The following PCAT7 variants were observed in gnomAD, a reference collection of about 807,000 sequenced individuals.
PCAT7 encodes the protein prostate cancer associated transcript 7 (non-protein coding).
intron 2 of PCAT7, chr9:94,568,819 TTAAGG>T (rs1166319156): frequency 1.3e-5 from 2 of 152,234 alleles, no homozygotes; most frequent in East Asian, 3.9e-4. Context: ...ATAAAAATGA[TTAAGG>T]TAACTAGTCA....
chr9:94,559,221 T>C (rs1827057160), intron 2 of PCAT7: 1 of 1,187,018 alleles, frequency 8.4e-7, no homozygotes, highest in Non-Finnish European at 1.2e-6. Flanking sequence ...GAGTTTGTAC[T>C]GCGGTGCTTC....
intron 2 of PCAT7, among the ~76,000 whole-genome samples, chr9:94,564,663 G>A (rs1827159914): frequency 1.3e-5 from 2 of 152,148 alleles, no homozygotes; most frequent in African/African-American, 4.8e-5. Flanking sequence ...CCTACGTGAG[G>A]GTGGAGGGAG....
chr9:94,565,778 A>AGAT (rs1223045774), intron 2 of PCAT7, among the ~76,000 whole-genome samples: 1 of 66,218 alleles, frequency 1.5e-5, no homozygotes, highest in Non-Finnish European at 3.3e-5. Flanking sequence ...GATGATAGAT[A>AGAT]GATAGATAGA....
At chr9:94,558,436 A>G (rs1827040018) in intron 1 of PCAT7, among the ~76,000 whole-genome samples, 1 of 152,062 alleles carries the variant, frequency 6.6e-6, no homozygotes, top group Non-Finnish European at 1.5e-5. Context: ...CTGGGACTAC[A>G]GGCGCCCGCC....
chr9:94,565,934 A>G (rs1163824728), intron 2 of PCAT7, among the ~76,000 whole-genome samples: 1 of 152,168 alleles, frequency 6.6e-6, no homozygotes, highest in African/African-American at 2.4e-5. Context: ...TCATTTTTAC[A>G]ACATTGGGGA....
chr9:94,569,247 A>C (rs1827238129), intron 2 of PCAT7: 1 of 152,332 alleles, frequency 6.6e-6, no homozygotes, highest in African/African-American at 2.4e-5. Context: ...GAGGCGCAGC[A>C]CTGGGGGTGG....
chr9:94,567,195 C>T, intron 2 of PCAT7: 1 of 1,522,976 alleles, frequency 6.6e-7, no homozygotes, highest in Non-Finnish European at 9.1e-7. Context: ...CAGCAAAGCC[C>T]CTGAAGCCAC....
At chr9:94,563,088 C>T (rs1417425763) in intron 2 of PCAT7, among the ~76,000 whole-genome samples, 2 of 152,200 alleles carry the variant, frequency 1.3e-5, no homozygotes, top group African/African-American at 4.8e-5. Flanking sequence ...TCATGGTGAA[C>T]GGTGGGTGTG....
Position 94,571,442 on chromosome 9 carries a change from A to G in PCAT7, n.442-1537A>G, listed in dbSNP as rs1282792213. 9 of 1,588,752 alleles carry G rather than the reference A, an allele frequency of 5.7e-6. No individual in the cohort carries two copies. The Admixed American group carries it at 1.6e-4, about 28-fold the overall frequency. ...CCCATGGAGTCCCCAGGCACAGATG[A>G]TGCCATATTCTGTACCTACCGGGTC... On this transcript the variant is annotated intron_variant and non_coding_transcript_variant, in intron 2 of 8. Transcript: ENST00000647389.
At chr9:94,557,342 T>C (rs1488186212) in intron 1 of PCAT7, among the ~76,000 whole-genome samples, 1 of 152,256 alleles carries the variant, frequency 6.6e-6, no homozygotes, top group East Asian at 1.9e-4. Flanking sequence ...ATTCTTCTAG[T>C]GCATGGACAT....
intron 1 of PCAT7, among the ~76,000 whole-genome samples, chr9:94,555,681 T>C (rs1289115407): frequency 6.7e-6 from 1 of 148,182 alleles, no homozygotes; most frequent in Non-Finnish European, 1.5e-5. Context: ...AGATAGCAAG[T>C]GGGAGAAGGA....
intron 1 of PCAT7, chr9:94,558,728 T>C (rs1257875512): frequency 9.4e-6 from 5 of 534,214 alleles, no homozygotes; most frequent in South Asian, 2.2e-5. Flanking sequence ...ACTTTCCACA[T>C]GTGGGTTTTT....
Position 94,565,190 on chromosome 9 carries a change from A to G in PCAT7, n.441+6038A>G, listed in dbSNP as rs139166288. On this transcript the variant is annotated intron_variant and non_coding_transcript_variant, in intron 2 of 8. Coordinates refer to ENST00000647389, the Ensembl canonical transcript of PCAT7. ...GGCGTTCAAGACCAGCCTGACCAAC[A>G]TGGTGAAATCCCATCTCTACTAAAA... 2.0e-3 allele frequency among the ~76,000 whole-genome samples: 306 copies of G among 152,240 alleles called. 1 individual carries two copies. Among genetic ancestry groups the G allele is most frequent in the African/African-American group, 7.1e-3 (295 of 41,548 alleles).
At chr9:94,566,551 AG>A (rs1219929730) in intron 2 of PCAT7, among the ~76,000 whole-genome samples, 4 of 152,228 alleles carry the variant, frequency 2.6e-5, no homozygotes, top group African/African-American at 9.6e-5. Flanking sequence ...GTTAATAAAT[AG>A]GTGGGTAAAT....
intron 3 of PCAT7, among the ~76,000 whole-genome samples, chr9:94,573,799 TTGTC>T (rs1827291989): frequency 6.6e-6 from 1 of 152,256 alleles, no homozygotes; most frequent in African/African-American, 2.4e-5. Context: ...TGAACAATCT[TTGTC>T]TGGTTTTTGT....
At position 94,563,456 on chromosome 9, in the gene PCAT7, G is replaced by A. The variant is rs758492137; in HGVS notation, n.441+4304G>A. On this transcript the variant is annotated intron_variant and non_coding_transcript_variant, in intron 2 of 8. Transcript: ENST00000647389. ...CATACCTGGCCCCATAGGGAGCACT[G>A]CCATCCTAGAAGACAGAAAGCGAAG... The A allele has an allele frequency of 5.6e-6, 9 of 1,613,252 alleles. No homozygotes were observed. In the African/African-American group the frequency reaches 1.1e-4, roughly 19 times the overall value.
chr9:94,557,234 T>G (rs748794818), intron 1 of PCAT7, among the ~76,000 whole-genome samples: 4 of 152,210 alleles, frequency 2.6e-5, no homozygotes, highest in Admixed American at 6.5e-5. Flanking sequence ...CCATGTTAAT[T>G]TTAAGATTCT....
chr9:94,554,735 T>G (rs1397664250), upstream of PCAT7, among the ~76,000 whole-genome samples: 1 of 152,146 alleles, frequency 6.6e-6, no homozygotes, highest in Non-Finnish European at 1.5e-5. Context: ...GCCTCCCTCC[T>G]ACCGCTCCGT....
In PCAT7 at chr9:94,566,233, A is replaced by C. The variant is rs113604583; in HGVS notation, n.442-6746A>C. Among the ~76,000 whole-genome samples the C allele has an allele frequency of 6.0e-3, 909 of 152,298 alleles. 8 individuals are homozygous for C. The highest frequency in any genetic ancestry group is 0.024 in the Middle Eastern group (7 of 294). On this transcript the variant is annotated intron_variant and non_coding_transcript_variant, in intron 2 of 8. Coordinates refer to ENST00000647389, the Ensembl canonical transcript of PCAT7. ...AACCTGGCCATAAACTGGCCCCAAA[A>C]CTGGCCATAAACAAAGTCTCTGCAG... is the stretch of plus-strand genomic sequence containing the variant.
Sources: gnomAD v4.1 joint callset for allele counts (sites outside exome capture counted in the v4.1 genomes callset) on GRCh38, gnomAD v4.1.1 for gene constraint, MANE v1.5 for transcripts, NCBI Gene and HGNC (gene_info 2026-07-23, HGNC 2026-07-21) for gene names.